TMEFF1: variants seen among roughly 807,000 people sequenced by gnomAD.
The protein encoded by TMEFF1 is transmembrane protein with EGF like and two follistatin like domains 1.
TMEFF1 carries 20 observed loss-of-function variants against 47.5 expected under a neutral mutation model. That is an observed-to-expected ratio of 0.42 (90% CI 0.30 to 0.61). The LOEUF (loss-of-function observed/expected upper bound fraction) is 0.61, where lower values mean the gene tolerates loss of function less well. TMEFF1 is among the 20% of genes least tolerant of loss of function. The pLI is 0.19. For missense variants in TMEFF1, 411 were observed against 471.1 expected (o/e 0.87, Z 1.18); for synonymous variants, 162 against 166.3 (o/e 0.97, Z 0.20).
rs915956282 is a variant in TMEFF1, at chr9:100,498,697, A to ACG, written c.197-64_197-63dup. 1.7e-4 allele frequency: 246 copies of ACG among 1,427,034 alleles called. No homozygotes were observed. The Admixed American group carries it at 1.7e-3, about 10-fold the overall frequency. The allele number at this position is 1,427,034 out of a possible 1,614,324, so 88.4% of individuals were successfully genotyped here. On this transcript the variant is annotated intron_variant, in intron 1 of 9. Transcript: ENST00000374879. ...AGGACTTTTTCATACACACACACACACGCGCACAGACACACACACGTAATA... is the reference window on the plus strand; with the variant it reads ...AGGACTTTTTCATACACACACACACACGCGCGCACAGACACACACACGTAATA...
At chr9:100,474,314 A>C (rs909434197) in intron 1 of TMEFF1, among the ~76,000 whole-genome samples, 2 of 151,422 alleles carry the variant, frequency 1.3e-5, no homozygotes, top group East Asian at 2.0e-4. Flanking sequence ...TTGGCGATGC[A>C]GAGTGACTGT....
At chr9:100,563,591 A>G (rs941369031) in intron 8 of TMEFF1, among the ~76,000 whole-genome samples, 2 of 152,262 alleles carry the variant, frequency 1.3e-5, no homozygotes, top group African/African-American at 4.8e-5. Flanking sequence ...TAGAATAGTA[A>G]TAGTACCTAT....
At chr9:100,477,935 T>C (rs1301664635) in intron 1 of TMEFF1, among the ~76,000 whole-genome samples, 1 of 152,168 alleles carries the variant, frequency 6.6e-6, no homozygotes, top group Non-Finnish European at 1.5e-5. Flanking sequence ...CCTGCATTTC[T>C]CCTTTTTTGA....
intron 5 of TMEFF1, among the ~76,000 whole-genome samples, chr9:100,546,058 T>G (rs926707305): frequency 4.6e-5 from 7 of 152,226 alleles, no homozygotes; most frequent in Non-Finnish European, 1.0e-4. Flanking sequence ...CCCTCCAAAC[T>G]GTTCCAACTC....
intron 1 of TMEFF1, among the ~76,000 whole-genome samples, chr9:100,474,480 CAGTT>C (rs997810081): frequency 6.6e-6 from 1 of 151,860 alleles, no homozygotes; most frequent in African/African-American, 2.4e-5. Context: ...GCCTGGGGCT[CAGTT>C]AGTCACCCTG....
intron 5 of TMEFF1, among the ~76,000 whole-genome samples, chr9:100,523,900 G>GTGCTAA (rs1181992588): frequency 6.6e-6 from 1 of 152,138 alleles, no homozygotes; most frequent in African/African-American, 2.4e-5. Flanking sequence ...CAAAATTATA[G>GTGCTAA]TGCTAAATCA....
chr9:100,484,865 C>T (rs565398478), intron 1 of TMEFF1, among the ~76,000 whole-genome samples: 7 of 151,848 alleles, frequency 4.6e-5, no homozygotes, highest in South Asian at 2.1e-4. Flanking sequence ...TTAGTAGAGA[C>T]GGAGTTTCAC....
intron 1 of TMEFF1, among the ~76,000 whole-genome samples, chr9:100,481,982 G>A (rs1293950966): frequency 2.0e-5 from 3 of 151,828 alleles, no homozygotes; most frequent in African/African-American, 7.3e-5. Flanking sequence ...GGGTTTCACC[G>A]TGTTGGCTAG....
intron 4 of TMEFF1, among the ~76,000 whole-genome samples, chr9:100,513,767 A>G (rs1258488099): frequency 6.6e-6 from 1 of 152,142 alleles, no homozygotes; most frequent in Non-Finnish European, 1.5e-5. Context: ...ACTCTTTCCC[A>G]TACCTTGCTT....
At chr9:100,575,226 T>G (rs1340178648) in intron 9 of TMEFF1, among the ~76,000 whole-genome samples, 6 of 152,214 alleles carry the variant, frequency 3.9e-5, no homozygotes, top group African/African-American at 1.4e-4. Context: ...GGAATCTTCT[T>G]TAAAAGGATG....
At chr9:100,529,317 A>T (rs1190542573) in intron 5 of TMEFF1, among the ~76,000 whole-genome samples, 1 of 151,606 alleles carries the variant, frequency 6.6e-6, no homozygotes, top group Admixed American at 6.6e-5. Flanking sequence ...AAGAGTCAAG[A>T]CTCATCAGTG....
intron 3 of TMEFF1, among the ~76,000 whole-genome samples, chr9:100,512,210 A>G (rs1422527963): frequency 3.9e-5 from 6 of 152,084 alleles, no homozygotes; most frequent in Non-Finnish European, 1.5e-5. Context: ...TCACTCTTTC[A>G]TTTCCTCCTT....
chr9:100,484,946 G>A (rs1040171124), intron 1 of TMEFF1, among the ~76,000 whole-genome samples: 3 of 151,986 alleles, frequency 2.0e-5, no homozygotes, highest in African/African-American at 7.3e-5. Flanking sequence ...TAAAATGTTG[G>A]GATTACAGGC....
At chr9:100,521,825 C>T (rs1464122252) in intron 5 of TMEFF1, among the ~76,000 whole-genome samples, 1 of 152,190 alleles carries the variant, frequency 6.6e-6, no homozygotes, top group Non-Finnish European at 1.5e-5. Context: ...ATAGCCCCTG[C>T]TCTTCTGCCT....
intron 8 of TMEFF1, among the ~76,000 whole-genome samples, chr9:100,565,765 T>A: frequency 6.6e-6 from 1 of 152,222 alleles, no homozygotes; most frequent in East Asian, 1.9e-4. Flanking sequence ...ATCATAGAAC[T>A]TGATATCAGT....
chr9:100,516,612 A>G, intron 4 of TMEFF1, 63 bp from the exon 5 acceptor site: 2 of 1,575,052 alleles, frequency 1.3e-6, no homozygotes, highest in Non-Finnish European at 1.7e-6. Flanking sequence ...TGCTGAAAAC[A>G]TGAAGCATAT....
chr9:100,476,439 G>C (rs1483859198), intron 1 of TMEFF1, among the ~76,000 whole-genome samples: 6 of 151,942 alleles, frequency 3.9e-5, no homozygotes, highest in African/African-American at 1.2e-4. Context: ...TTGTCACCCA[G>C]GCTAGAGTGC....
At chr9:100,539,481 A>G (rs1391074244) in intron 5 of TMEFF1, among the ~76,000 whole-genome samples, 1 of 152,002 alleles carries the variant, frequency 6.6e-6, no homozygotes, top group Admixed American at 6.6e-5. Context: ...GTGGGTTCGT[A>G]GTCTTGCTGT....
At chr9:100,497,320 C>CCTTTTTTTTTTTTTTTTTTTTTT (rs1837668320) in intron 1 of TMEFF1, among the ~76,000 whole-genome samples, 1 of 59,526 alleles carries the variant, frequency 1.7e-5, no homozygotes, top group African/African-American at 6.8e-5. Flanking sequence ...CCACTCATGT[C>CCTTTTTTTTTTTTTTTTTTTTTT]TTTTTTTTTT....
Sources: allele counts gnomAD v4.1 joint callset (sites outside exome capture counted in the v4.1 genomes callset), GRCh38; gene constraint gnomAD v4.1.1; transcripts MANE v1.5; gene names NCBI Gene and HGNC (gene_info 2026-07-23, HGNC 2026-07-21).